Variants in CNBD1 observed in about 807,000 individuals in gnomAD.
The protein encoded by CNBD1 is cyclic nucleotide-binding domain-containing protein 1.
In CNBD1, 71 loss-of-function variants were observed where a neutral mutation model predicts 54.4. The ratio of observed to expected loss-of-function variants is 1.30; its 90% CI spans 1.08 to 1.59. The LOEUF (loss-of-function observed/expected upper bound fraction) is 1.59. Ranked by LOEUF, CNBD1 falls within the 40% of genes most tolerant of loss-of-function variation. CNBD1 has a pLI of 0.00. For missense variants in CNBD1, 659 were observed against 518.0 expected (o/e 1.27, Z -2.64); for synonymous variants, 182 against 170.7 (o/e 1.07, Z -0.51).
At chr8:87,164,483 TCTC>T (rs1192716875) in intron 4 of CNBD1, among the ~76,000 whole-genome samples, 1 of 151,834 alleles carries the variant, frequency 6.6e-6, no homozygotes, top group African/African-American at 2.4e-5. Context: ...CATTGATTAA[TCTC>T]CTCAGATTTT....
chr8:86,935,981 T>TA lies in CNBD1; in HGVS notation c.273-3607dup, dbSNP rs1339617607. Among the ~76,000 whole-genome samples, 5 of 151,714 alleles carry TA rather than the reference T, an allele frequency of 3.3e-5. No homozygotes were observed. In the South Asian group the frequency reaches 1.0e-3, roughly 32 times the overall value. On this transcript the variant is annotated intron_variant, in intron 3 of 10. Coordinates refer to ENST00000518476, the MANE Select transcript of CNBD1 (RefSeq NM_173538.3). ...GGCCAACATGGCAAAAACCATCTCTTAAAAAAAATTAGCTGGGCATTGGTG... is the reference window on the plus strand; with the variant it reads ...GGCCAACATGGCAAAAACCATCTCTTAAAAAAAAATTAGCTGGGCATTGGTG...
intron 8 of CNBD1, among the ~76,000 whole-genome samples, chr8:87,317,622 T>C (rs888854007): frequency 6.6e-6 from 1 of 151,946 alleles, no homozygotes; most frequent in Non-Finnish European, 1.5e-5. Flanking sequence ...TTTGTATTAT[T>C]TGAATTGCCT....
At chr8:87,301,620 TAAAAAC>T (rs959811587) in intron 8 of CNBD1, among the ~76,000 whole-genome samples, 6 of 151,102 alleles carry the variant, frequency 4.0e-5, no homozygotes, top group African/African-American at 1.5e-4. Flanking sequence ...TAAACAGAAT[TAAAAAC>T]AAAAATCACA....
chr8:87,425,246 C>T (rs1047164176), intron 2 of CNBD1, among the ~76,000 whole-genome samples: 13 of 152,108 alleles, frequency 8.5e-5, no homozygotes, highest in Non-Finnish European at 1.3e-4. Context: ...AAGTTTTCAA[C>T]TTCTTTGCCT....
intron 2 of CNBD1, among the ~76,000 whole-genome samples, chr8:87,425,078 C>G (rs1052458033): frequency 3.9e-5 from 6 of 152,106 alleles, no homozygotes; most frequent in Admixed American, 1.3e-4. Flanking sequence ...ATTTCATCTT[C>G]CATTGCTGAT....
chr8:86,892,995 T>C (rs536836501), intron 2 of CNBD1, among the ~76,000 whole-genome samples: 1 of 152,298 alleles, frequency 6.6e-6, no homozygotes, highest in East Asian at 1.9e-4. Context: ...AAGGATGGTT[T>C]ATGTACACAT....
chr8:87,256,105 C>T (rs1158670494), intron 6 of CNBD1, among the ~76,000 whole-genome samples: 2 of 140,722 alleles, frequency 1.4e-5, no homozygotes, highest in Non-Finnish European at 3.0e-5. Flanking sequence ...TCACTGCAAC[C>T]TCTACCTCCT....
At chr8:87,267,120 G>T (rs1808274402) in intron 6 of CNBD1, among the ~76,000 whole-genome samples, 1 of 152,006 alleles carries the variant, frequency 6.6e-6, no homozygotes, top group Non-Finnish European at 1.5e-5. Flanking sequence ...AATGGCAAAG[G>T]ATTAATACCT....
chr8:87,111,585 G>A (rs1339942078), intron 4 of CNBD1, among the ~76,000 whole-genome samples: 2 of 152,140 alleles, frequency 1.3e-5, no homozygotes, highest in Non-Finnish European at 2.9e-5. Context: ...TGCAGCCTTG[G>A]TTTGAGAACT....
At chr8:86,962,540 C>T (rs1408067339) in intron 4 of CNBD1, among the ~76,000 whole-genome samples, 2 of 152,116 alleles carry the variant, frequency 1.3e-5, no homozygotes, top group African/African-American at 4.8e-5. Context: ...AATCCCAGCA[C>T]TTTGGGAGGC....
intron 6 of CNBD1, among the ~76,000 whole-genome samples, chr8:87,256,016 T>TATATATATACATA (rs1491444638): frequency 1.6e-4 from 2 of 12,142 alleles, no homozygotes; most frequent in African/African-American, 3.3e-4. Flanking sequence ...TATATATATA[T>TATATATATACATA]TTTTTTTTTT....
intron 4 of CNBD1, among the ~76,000 whole-genome samples, chr8:87,178,937 C>A (rs1410059496): frequency 2.0e-5 from 3 of 152,158 alleles, no homozygotes; most frequent in African/African-American, 7.2e-5. Flanking sequence ...GACGGAGTCT[C>A]ACCCTTGTTG....
At chr8:87,091,999 T>C (rs763299297) in intron 4 of CNBD1, among the ~76,000 whole-genome samples, 19 of 152,222 alleles carry the variant, frequency 1.2e-4, no homozygotes, top group Admixed American at 8.5e-4. Context: ...TTATGCGTTA[T>C]ATTAATTTAA....
At chr8:87,057,925 C>T (rs1810457774) in intron 4 of CNBD1, among the ~76,000 whole-genome samples, 1 of 152,056 alleles carries the variant, frequency 6.6e-6, no homozygotes, top group South Asian at 2.1e-4. Flanking sequence ...TTAACTCATT[C>T]AAGCATTAAC....
rs199969876 is a variant in CNBD1 at position 86,970,958 on chromosome 8, C to CT, written c.431+31210dup. Reference sequence around the variant, plus strand: ...CATTTCTCAAGGCTTTCAATGGATTCTTTTTTACAGATTACAGTTCTTTGC... The same window carrying CT: ...CATTTCTCAAGGCTTTCAATGGATTCTTTTTTTACAGATTACAGTTCTTTGC... On this transcript the variant is annotated intron_variant, in intron 4 of 10. Transcript: ENST00000518476. 1.1e-3 allele frequency among the ~76,000 whole-genome samples: 162 copies of CT among 152,188 alleles called. 2 individuals carry two copies. In the East Asian group the frequency reaches 0.011, roughly 10 times the overall value.
At chr8:87,317,978 T>C (rs1031072450) in intron 8 of CNBD1, among the ~76,000 whole-genome samples, 1 of 152,066 alleles carries the variant, frequency 6.6e-6, no homozygotes, top group Admixed American at 6.6e-5. Flanking sequence ...TTCTGCAGTG[T>C]CTAATCTACT....
chr8:87,388,658 A>T (rs1322261184), intron 2 of CNBD1, among the ~76,000 whole-genome samples: 2 of 152,236 alleles, frequency 1.3e-5, no homozygotes, highest in Non-Finnish European at 1.5e-5. Context: ...TCACAGCCGA[A>T]TTCTACCAGA....
intron 4 of CNBD1, among the ~76,000 whole-genome samples, chr8:87,172,119 T>C (rs2099250687): frequency 6.6e-6 from 1 of 152,040 alleles, no homozygotes; most frequent in African/African-American, 2.4e-5. Flanking sequence ...TTAATTTCCA[T>C]GTGTTTGTAT....
At chr8:86,976,284 A>C (rs2130500073) in intron 4 of CNBD1, among the ~76,000 whole-genome samples, 1 of 145,008 alleles carries the variant, frequency 6.9e-6, no homozygotes. Context: ...TTTTTGGGTA[A>C]CATTAAGGAA....
Sources: allele counts gnomAD v4.1 joint callset (sites outside exome capture counted in the v4.1 genomes callset), GRCh38; gene constraint gnomAD v4.1.1; transcripts MANE v1.5; gene names NCBI Gene and HGNC (gene_info 2026-07-23, HGNC 2026-07-21).